Variants in SLC35A3 observed in about 807,000 individuals in gnomAD.
SLC35A3 encodes the protein solute carrier family 35 member A3.
A neutral mutation model predicts 39.0 loss-of-function variants in SLC35A3; 26 were observed. The ratio of observed to expected loss-of-function variants is 0.67; its 90% confidence interval spans 0.49 to 0.92. The LOEUF (loss-of-function observed/expected upper bound fraction) is 0.92. Among genes scored for constraint, SLC35A3 ranks in the 40% least tolerant of loss-of-function variants. The pLI is 0.00. For missense variants in SLC35A3, 299 were observed against 371.6 expected (o/e 0.80, Z 1.61); for synonymous variants, 135 against 133.1 (o/e 1.01, Z -0.10).
intron 5 of SLC35A3, among the ~76,000 whole-genome samples, chr1:100,014,316 GCTCAAGTGATTGTCCCTC>G (rs1372183664): frequency 6.6e-6 from 1 of 152,142 alleles, no homozygotes; most frequent in African/African-American, 2.4e-5. Context: ...AAACTTCTGG[GCTCAAGTGATTGTCCCTC>G]CTCAGCCACC....
chr1:100,005,146 A>G (rs1659131206), intron 3 of SLC35A3, among the ~76,000 whole-genome samples: 1 of 147,666 alleles, frequency 6.8e-6, no homozygotes, highest in African/African-American at 2.5e-5. Context: ...ATATCATCTA[A>G]TTCTCTCCTG....
At chr1:100,014,488 C>G (rs1261725517) in intron 5 of SLC35A3, among the ~76,000 whole-genome samples, 1 of 152,150 alleles carries the variant, frequency 6.6e-6, no homozygotes, top group Non-Finnish European at 1.5e-5. Flanking sequence ...TTCCAAAGTG[C>G]TGGGATTTCA....
intron 2 of SLC35A3, among the ~76,000 whole-genome samples, chr1:99,995,211 G>A (rs1459500237): frequency 6.8e-6 from 1 of 147,836 alleles, no homozygotes; most frequent in Non-Finnish European, 1.5e-5. Context: ...GGAGTGCAGT[G>A]GCATGATCTT....
In SLC35A3 at chr1:100,035,111, G is replaced by A. The variant is rs926478320; in HGVS notation, c.*12635G>A. On this transcript the variant is annotated 3_prime_UTR_variant, in exon 8 of 8. Transcript: ENST00000533028. ...AGTGGGAATTGGTTGTGGGACTTCC[G>A]TGGATATCCAAATCAGTGGATGCTA... 8 of 152,058 alleles carry A rather than the reference G, an allele frequency of 5.3e-5. No homozygotes were observed. Among genetic ancestry groups the A allele is most frequent in the East Asian group, 3.9e-4 (2 of 5,194 alleles). The allele number at this position is 152,058 out of a possible 1,614,324, so 9.4% of individuals were successfully genotyped here.
chr1:100,015,204 A>G (rs1290093600), intron 5 of SLC35A3, 98 bp from the exon 6 acceptor site: 3 of 1,167,154 alleles, frequency 2.6e-6, no homozygotes, highest in African/African-American at 1.6e-5. Flanking sequence ...TATCAAAAAG[A>G]AAAAGTTAAG....
intron 3 of SLC35A3, among the ~76,000 whole-genome samples, chr1:100,002,956 G>C (rs1403172690): frequency 6.6e-6 from 1 of 151,646 alleles, no homozygotes; most frequent in Non-Finnish European, 1.5e-5. Context: ...GTTTTGGTTT[G>C]GTTTGTTCTT....
Position 99,999,431 on chromosome 1 carries a change from T to A in SLC35A3, c.342+16T>A. 1 of 1,553,152 alleles carries A rather than the reference T, an allele frequency of 6.4e-7. No individual in the cohort carries two copies. Among genetic ancestry groups the A allele is most frequent in the Non-Finnish European group, 8.7e-7 (1 of 1,155,014 alleles). On this transcript the variant is annotated intron_variant, in intron 3 of 7. Coordinates refer to ENST00000533028, the MANE Select transcript of SLC35A3 (RefSeq NM_012243.3). ...TACTTATCAGGTACTTAAAATACATTTCTTTCTTTTTTAAAAAAACTTTTT... is the reference window on the plus strand; with the variant it reads ...TACTTATCAGGTACTTAAAATACATATCTTTCTTTTTTAAAAAAACTTTTT...
At chr1:100,015,921 A>G (rs1660071821) in intron 6 of SLC35A3, among the ~76,000 whole-genome samples, 2 of 152,302 alleles carry the variant, frequency 1.3e-5, no homozygotes, top group South Asian at 4.1e-4. Context: ...ATTCTAGAGG[A>G]TATAAAAATG....
At chr1:99,995,275 C>T (rs771586839) in intron 2 of SLC35A3, among the ~76,000 whole-genome samples, 14 of 151,916 alleles carry the variant, frequency 9.2e-5, no homozygotes, top group Non-Finnish European at 1.8e-4. Context: ...GCCTCAGCCT[C>T]CCGAGTAGCT....
At chr1:99,990,316 C>T (rs1050815900) in intron 1 of SLC35A3, among the ~76,000 whole-genome samples, 4 of 152,050 alleles carry the variant, frequency 2.6e-5, no homozygotes, top group African/African-American at 9.7e-5. Context: ...TGGCTGAAGC[C>T]TGTAATCCCA....
Position 100,027,035 on chromosome 1 carries a change from GA to G in SLC35A3, c.*4561del. The G allele has an allele frequency of 2.5e-6, 1 of 395,878 alleles. No homozygotes were observed. The highest frequency in any genetic ancestry group is 4.4e-6 in the Non-Finnish European group (1 of 224,918). The allele number at this position is 395,878 out of a possible 1,614,324, so 24.5% of individuals were successfully genotyped here. On this transcript the variant is annotated 3_prime_UTR_variant, in exon 8 of 8. Coordinates refer to ENST00000533028, the MANE Select transcript of SLC35A3 (RefSeq NM_012243.3). ...TACCTGTGTCTATGACCTAACCTAT[GA>G]ATTAGTCTTCTCTCTTTATATATCA... is the stretch of plus-strand genomic sequence containing the variant.
At chr1:99,975,202 A>G (rs1024338787) in intron 1 of SLC35A3, 2 of 152,092 alleles carry the variant, frequency 1.3e-5, no homozygotes, top group Non-Finnish European at 2.9e-5. Flanking sequence ...AAGCCTCCCA[A>G]AGTGCTGGGA....
At chr1:99,970,675 G>C (rs1656754018) in intron 1 of SLC35A3, 2 of 1,458,990 alleles carry the variant, frequency 1.4e-6, no homozygotes, top group Admixed American at 3.9e-5. Flanking sequence ...AGGACTGTTT[G>C]AAGTGGGGTG....
At chr1:99,995,191 C>T (rs749002301) in intron 2 of SLC35A3, among the ~76,000 whole-genome samples, 15 of 143,560 alleles carry the variant, frequency 1.0e-4, no homozygotes, top group Non-Finnish European at 2.2e-4. Context: ...CTCACTATGT[C>T]GCCTAGGCTG....
intron 5 of SLC35A3, among the ~76,000 whole-genome samples, chr1:100,012,755 A>C (rs899795575): frequency 2.0e-5 from 3 of 152,332 alleles, no homozygotes; most frequent in South Asian, 4.1e-4. Context: ...AGTCTATCCT[A>C]TAAGAGCACA....
Position 100,022,560 on chromosome 1 carries a change from C to T in SLC35A3, c.*84C>T. The T allele has an allele frequency of 1.5e-6, 1 of 664,152 alleles. No individual in the cohort carries two copies. The highest frequency in any genetic ancestry group is 2.6e-6 in the Non-Finnish European group (1 of 381,170). 41.1% of individuals were successfully genotyped at this position (664,152 alleles called of 1,614,324 possible). Reference sequence around the variant, plus strand: ...CTTGCACAGAGGACTTCTACAGAGTCTGAGAAGATATCATCATGCTGAATC... The same window carrying T: ...CTTGCACAGAGGACTTCTACAGAGTTTGAGAAGATATCATCATGCTGAATC... On this transcript the variant is annotated 3_prime_UTR_variant, in exon 8 of 8. Coordinates refer to ENST00000533028, the MANE Select transcript of SLC35A3 (RefSeq NM_012243.3).
chr1:99,994,916 C>T (rs1658292914), intron 2 of SLC35A3, among the ~76,000 whole-genome samples: 1 of 152,182 alleles, frequency 6.6e-6, no homozygotes, highest in South Asian at 2.1e-4. Context: ...TTTTATATCT[C>T]CATCAACAAA....
chr1:99,999,188 T>C (rs1423661524), intron 2 of SLC35A3, 73 bp from the exon 3 acceptor site: 2 of 937,976 alleles, frequency 2.1e-6, no homozygotes, highest in Non-Finnish European at 3.0e-6. Context: ...GTTAGAAAAT[T>C]GAGATCTTGA....
intron 2 of SLC35A3, among the ~76,000 whole-genome samples, chr1:99,996,709 AAAAAT>A (rs1658419629): frequency 6.6e-6 from 1 of 152,128 alleles, no homozygotes; most frequent in Admixed American, 6.6e-5. Flanking sequence ...CCTCATCTGT[AAAAAT>A]AAAATAACAT....
Sources: gnomAD v4.1 joint callset for allele counts (sites outside exome capture counted in the v4.1 genomes callset) on GRCh38, gnomAD v4.1.1 for gene constraint, MANE v1.5 for transcripts, NCBI Gene and HGNC (gene_info 2026-07-23, HGNC 2026-07-21) for gene names.